Variants in VPS26A observed in about 807,000 individuals in gnomAD.
VPS26A encodes the protein vacuolar protein sorting-associated protein 26A.
VPS26A carries 22 observed loss-of-function variants against 42.4 expected under a neutral mutation model. The observed-to-expected ratio is 0.52, with a 90% CI of 0.37 to 0.74. VPS26A has a LOEUF of 0.74. Among genes scored for constraint, VPS26A ranks in the 30% least tolerant of loss-of-function variants. The pLI is 0.00. For synonymous variants in VPS26A, 110 were observed against 123.5 expected, an observed-to-expected ratio of 0.89 and a Z score of 0.73; for missense variants, 276 against 379.2, an observed-to-expected ratio of 0.73 and a Z score of 2.26.
At chr10:69,126,158 A>AT (rs1840648244) in intron 1 of VPS26A, among the ~76,000 whole-genome samples, 1 of 152,146 alleles carries the variant, frequency 6.6e-6, no homozygotes. Context: ...AGTGAGTAGT[A>AT]TTTTTGCACT....
At chr10:69,129,446 T>A (rs1351413659) in intron 1 of VPS26A, among the ~76,000 whole-genome samples, 2 of 152,178 alleles carry the variant, frequency 1.3e-5, no homozygotes, top group African/African-American at 4.8e-5. Flanking sequence ...TTTTCTAAAT[T>A]AGTTCAGAAT....
rs1841874440 is a variant in VPS26A, at chr10:69,173,919, G to A, written c.*2650G>A. 6.6e-6 allele frequency among the ~76,000 whole-genome samples: 1 copy of A among 150,492 alleles called. No individual in the cohort carries two copies. The highest frequency in any genetic ancestry group is 1.5e-5 in the Non-Finnish European group (1 of 67,888). ...GGCTGAGGCAGAATTGCTTGAACCCGGGAGGCAGAGGTTGCAGTGAGCCGA... is the reference window on the plus strand; with the variant it reads ...GGCTGAGGCAGAATTGCTTGAACCCAGGAGGCAGAGGTTGCAGTGAGCCGA... On this transcript the variant is annotated 3_prime_UTR_variant, in exon 9 of 9. Coordinates refer to ENST00000263559, the MANE Select transcript of VPS26A (RefSeq NM_004896.5).
At chr10:69,153,711 A>G (rs1012937548) in intron 2 of VPS26A, among the ~76,000 whole-genome samples, 8 of 152,162 alleles carry the variant, frequency 5.3e-5, no homozygotes, top group African/African-American at 1.7e-4. Context: ...TTAAAAAGTT[A>G]TAAATTTGGC....
At chr10:69,164,189 A>T (rs1220746258) in intron 6 of VPS26A, among the ~76,000 whole-genome samples, 2 of 151,568 alleles carry the variant, frequency 1.3e-5, no homozygotes, top group African/African-American at 4.8e-5. Flanking sequence ...TTATGTGTAG[A>T]AACTATATAT....
At chr10:69,129,571 A>T (rs971240548) in intron 1 of VPS26A, among the ~76,000 whole-genome samples, 1 of 151,790 alleles carries the variant, frequency 6.6e-6, no homozygotes, top group Non-Finnish European at 1.5e-5. Context: ...TTTTTTAAAC[A>T]GAGTCTCACT....
Position 69,133,010 on chromosome 10 carries a change from A to C in VPS26A, c.116A>C (p.His39Pro), listed in dbSNP as rs1211225357. The C allele has an allele frequency of 2.4e-5, 38 of 1,611,520 alleles. No homozygotes were observed. The highest frequency in any genetic ancestry group is 3.1e-5 in the Non-Finnish European group (37 of 1,179,544). The part of the protein sequence containing the change: ...MKTEDGKVEK[H>P]YLFYDGESVS... ...ACTGAAGATGGCAAAGTAGAAAAAC[A>C]CTATCTCTTCTATGACGGAGAATCC... Residue 39 changes from histidine to proline, a missense_variant, in exon 2 of 9, where the codon CAC (histidine) becomes CCC (proline). His to Pro is a moderately conservative substitution (Grantham distance 77). Transcript: ENST00000263559.
At chr10:69,171,096 AAT>A (rs1468212496) in intron 8 of VPS26A, 58 bp from the exon 9 acceptor site, 2 of 1,311,166 alleles carry the variant, frequency 1.5e-6, no homozygotes, top group African/African-American at 3.0e-5. Context: ...AGTGGCAATC[AAT>A]AGAGATAAGG....
rs1389194296 is a variant in VPS26A, at chr10:69,137,037, G to A, written c.153+3990G>A. Among the ~76,000 whole-genome samples, 7 of 151,704 alleles carry A rather than the reference G, an allele frequency of 4.6e-5. No homozygotes were observed. The East Asian group carries it at 5.9e-4, about 13-fold the overall frequency. On this transcript the variant is annotated intron_variant, in intron 2 of 8. Coordinates refer to ENST00000263559, the MANE Select transcript of VPS26A (RefSeq NM_004896.5). ...GAACTCCTAACCTTGTGATCCGCCC[G>A]CCTCAGCCTCCCAAAGTGCTGGGAT...
intron 2 of VPS26A, among the ~76,000 whole-genome samples, chr10:69,148,441 G>A (rs775607796): frequency 1.3e-5 from 2 of 152,092 alleles, no homozygotes; most frequent in Non-Finnish European, 2.9e-5. Context: ...TATTTTTGTG[G>A]CATCTTTCAT....
rs1232658598 is a variant in VPS26A, at chr10:69,133,020, C to T, written c.126C>T (p.Phe42=). 4.4e-6 allele frequency: 7 copies of T among 1,607,266 alleles called. No individual in the cohort carries two copies. The highest frequency in any genetic ancestry group is 3.5e-5 in the Admixed American group (2 of 57,866). ...EDGKVEKHYL[F]YDGESVSGKV... is the part of the protein sequence containing the mutation. ...GCAAAGTAGAAAAACACTATCTCTTCTATGACGGAGAATCCGTTTCAGGAA... is the reference window on the plus strand; with the variant it reads ...GCAAAGTAGAAAAACACTATCTCTTTTATGACGGAGAATCCGTTTCAGGAA... Residue 42 remains phenylalanine (F), a synonymous_variant, in exon 2 of 9, where the codon TTC becomes TTT. Transcript: ENST00000263559.
At chr10:69,136,521 C>A in intron 2 of VPS26A, among the ~76,000 whole-genome samples, 1 of 152,034 alleles carries the variant, frequency 6.6e-6, no homozygotes, top group Non-Finnish European at 1.5e-5. Context: ...CCGCCCAGCT[C>A]AGCCTCCCAA....
Position 69,125,967 on chromosome 10 carries a change from G to A in VPS26A, c.3+1687G>A, listed in dbSNP as rs531700939. Among the ~76,000 whole-genome samples the A allele has an allele frequency of 1.1e-4, 16 of 152,200 alleles. No individual in the cohort carries two copies. The South Asian group carries it at 1.4e-3, about 14-fold the overall frequency. ...AAAATCCTAAATTAACCTAAAGTCA[G>A]TGATAGGAGGTTTAGGCCAAGATTA... On this transcript the variant is annotated intron_variant, in intron 1 of 8. Transcript: ENST00000263559.
chr10:69,155,775 G>A (rs1366203096), intron 2 of VPS26A, 37 bp from the exon 3 acceptor site: 1 of 1,544,356 alleles, frequency 6.5e-7, no homozygotes, highest in African/African-American at 1.4e-5. Flanking sequence ...CCACTCATAG[G>A]ATTGTTAACA....
intron 2 of VPS26A, among the ~76,000 whole-genome samples, chr10:69,145,492 A>G (rs1025273470): frequency 6.6e-6 from 1 of 152,054 alleles, no homozygotes; most frequent in African/African-American, 2.4e-5. Flanking sequence ...ATCCTTTTCC[A>G]CTGCACTGTC....
Position 69,168,649 on chromosome 10 carries a change from C to T in VPS26A, c.870+18C>T, listed in dbSNP as rs1339347647. 2 of 1,611,400 alleles carry T rather than the reference C, an allele frequency of 1.2e-6. No homozygotes were observed. Among genetic ancestry groups the T allele is most frequent in the Non-Finnish European group, 1.7e-6 (2 of 1,178,736 alleles). On this transcript the variant is annotated intron_variant, in intron 8 of 8. Transcript: ENST00000263559. ...AACAGCAGGTATGGTGCCACTTGGG[C>T]TGGTATTATGTTCTGCGGCAGATCT... is the stretch of plus-strand genomic sequence containing the variant.
chr10:69,132,450 T>C (rs1840804282), intron 1 of VPS26A, among the ~76,000 whole-genome samples: 1 of 151,416 alleles, frequency 6.6e-6, no homozygotes, highest in Admixed American at 6.6e-5. Flanking sequence ...TTTTTCTTTC[T>C]TTCTTTTTTG....
intron 2 of VPS26A, among the ~76,000 whole-genome samples, chr10:69,136,512 C>G (rs1055504206): frequency 6.6e-6 from 1 of 151,970 alleles, no homozygotes; most frequent in African/African-American, 2.4e-5. Context: ...CCTCGTGATC[C>G]GCCCAGCTCA....
At chr10:69,146,994 C>A (rs1266079541) in intron 2 of VPS26A, among the ~76,000 whole-genome samples, 1 of 152,132 alleles carries the variant, frequency 6.6e-6, no homozygotes, top group African/African-American at 2.4e-5. Flanking sequence ...TTAGAAGAAC[C>A]GCCAAATTTT....
chr10:69,144,364 T>C (rs1841109196), intron 2 of VPS26A, among the ~76,000 whole-genome samples: 2 of 152,214 alleles, frequency 1.3e-5, no homozygotes, highest in Non-Finnish European at 1.5e-5. Context: ...TGATATCATA[T>C]AGAATAGTTT....
Sources: allele counts gnomAD v4.1 joint callset (sites outside exome capture counted in the v4.1 genomes callset), GRCh38; gene constraint gnomAD v4.1.1; transcripts MANE v1.5; gene names NCBI Gene and HGNC (gene_info 2026-07-23, HGNC 2026-07-21).